Variants in CSMD1 observed in about 807,000 individuals in gnomAD.
CSMD1 encodes CUB and sushi domain-containing protein 1.
CSMD1 carries 213 observed loss-of-function variants against 417.5 expected under a neutral mutation model. The observed-to-expected ratio is 0.51, with a 90% CI of 0.46 to 0.57. The LOEUF (loss-of-function observed/expected upper bound fraction) is 0.57, where lower values mean the gene tolerates loss of function less well. Ranked by LOEUF, CSMD1 falls within the 20% of genes least tolerant of loss-of-function variation. The pLI, the probability that CSMD1 is intolerant of heterozygous loss-of-function variation, is 0.00. For synonymous variants in CSMD1, 2,862 were observed against 1,736.8 expected (o/e 1.65, Z -16.11); for missense variants, 6,923 against 4,529.7 (o/e 1.53, Z -15.17).
At chr8:4,864,166 G>A (rs957798264) in intron 1 of CSMD1, among the ~76,000 whole-genome samples, 8 of 151,568 alleles carry the variant, frequency 5.3e-5, no homozygotes, top group East Asian at 1.9e-4. Flanking sequence ...GGATTTTCCC[G>A]ACACCTCAAA....
intron 49 of CSMD1, among the ~76,000 whole-genome samples, chr8:3,053,237 G>C (rs1393578287): frequency 1.3e-5 from 2 of 152,190 alleles, no homozygotes. Flanking sequence ...ATGCAGCTTA[G>C]CCGCAGTCTG....
At chr8:4,382,364 C>A (rs149816383) in intron 3 of CSMD1, among the ~76,000 whole-genome samples, 135 of 152,292 alleles carry the variant, frequency 8.9e-4, no homozygotes, top group African/African-American at 3.1e-3. Context: ...CAATGACACA[C>A]ATTTCCCAGA....
At chr8:2,998,390 T>C (rs112969432) in intron 53 of CSMD1, among the ~76,000 whole-genome samples, 328 of 152,338 alleles carry the variant, frequency 2.2e-3, no homozygotes, top group African/African-American at 7.5e-3. Context: ...TTTAATATAA[T>C]TGTGGAAAAT....
intron 7 of CSMD1, among the ~76,000 whole-genome samples, chr8:3,680,118 T>G (rs563820823): frequency 6.6e-6 from 1 of 151,732 alleles, no homozygotes; most frequent in Non-Finnish European, 1.5e-5. Flanking sequence ...ACATCACAAT[T>G]GAAACAACTA....
intron 3 of CSMD1, among the ~76,000 whole-genome samples, chr8:4,271,132 T>C (rs1345944179): frequency 6.6e-6 from 1 of 152,194 alleles, no homozygotes; most frequent in Admixed American, 6.6e-5. Context: ...GCCTGGAGCT[T>C]ACTCTGAATT....
chr8:4,388,443 T>C (rs1353405773), intron 3 of CSMD1, among the ~76,000 whole-genome samples: 2 of 151,158 alleles, frequency 1.3e-5, no homozygotes, highest in Admixed American at 6.6e-5. Context: ...CTAAGTGAAG[T>C]AACTCAGGAA....
In CSMD1 at chr8:4,357,253, C is replaced by G. The variant is rs966706078; in HGVS notation, c.415+62700G>C. On this transcript the variant is annotated intron_variant, in intron 3 of 69. Coordinates refer to ENST00000635120, the MANE Select transcript of CSMD1 (RefSeq NM_033225.6). The stretch of plus-strand genomic sequence containing the variant: ...CTCTTACGTGCTAGAATTAGAGGTT[C>G]AGGGACTAAAAAGTAACCTTATAGA... 8.5e-5 allele frequency among the ~76,000 whole-genome samples: 13 copies of G among 152,266 alleles called. No homozygotes were observed. The South Asian group carries it at 2.7e-3, about 32-fold the overall frequency.
chr8:3,783,105 C>T (rs1799267928), intron 5 of CSMD1, among the ~76,000 whole-genome samples: 2 of 152,278 alleles, frequency 1.3e-5, no homozygotes, highest in South Asian at 4.1e-4. Flanking sequence ...CAGCCTCCAC[C>T]ATCCTCCCTT....
At chr8:3,866,023 C>G (rs1805076649) in intron 5 of CSMD1, among the ~76,000 whole-genome samples, 1 of 151,820 alleles carries the variant, frequency 6.6e-6, no homozygotes. Flanking sequence ...TAAATCGCCA[C>G]CAGAAAACAC....
intron 3 of CSMD1, among the ~76,000 whole-genome samples, chr8:4,388,880 C>G (rs577854334): frequency 1.1e-3 from 162 of 152,252 alleles, no homozygotes; most frequent in African/African-American, 3.8e-3. Flanking sequence ...GCTGAAACGT[C>G]TCCTCTTCAT....
chr8:4,825,539 T>C (rs186399293), intron 1 of CSMD1, among the ~76,000 whole-genome samples: 1 of 152,072 alleles, frequency 6.6e-6, no homozygotes, highest in African/African-American at 2.4e-5. Flanking sequence ...AATTCTACTC[T>C]CTGCTTATAT....
chr8:4,582,946 T>C lies in CSMD1; in HGVS notation c.302+54396A>G, dbSNP rs1799496539. ...AGCAGCTGGCCGGCCCTGCCGGCCC[T>C]GAGCAATGAGGGACATAGCACCCGG... On this transcript the variant is annotated intron_variant, in intron 2 of 69. Transcript: ENST00000635120. Among the ~76,000 whole-genome samples the C allele has an allele frequency of 2.0e-5, 3 of 152,170 alleles. No homozygotes were observed. In the South Asian group the frequency reaches 6.2e-4, roughly 32 times the overall value.
At chr8:4,056,267 G>C (rs1045095473) in intron 3 of CSMD1, among the ~76,000 whole-genome samples, 5 of 151,592 alleles carry the variant, frequency 3.3e-5, no homozygotes, top group African/African-American at 1.2e-4. Context: ...TTTTTTAGTA[G>C]AGATGGAGTT....
chr8:3,669,165 C>A (rs1322087785), intron 7 of CSMD1, among the ~76,000 whole-genome samples: 1 of 152,136 alleles, frequency 6.6e-6, no homozygotes, highest in Non-Finnish European at 1.5e-5. Flanking sequence ...AAAGCACGTA[C>A]AAATGAGCAT....
intron 2 of CSMD1, among the ~76,000 whole-genome samples, chr8:4,595,081 T>G (rs1473031238): frequency 6.6e-6 from 1 of 152,196 alleles, no homozygotes; most frequent in East Asian, 1.9e-4. Flanking sequence ...TGCCTTTTTT[T>G]ATAACTTTAA....
intron 12 of CSMD1, among the ~76,000 whole-genome samples, chr8:3,419,180 C>G (rs897255710): frequency 2.0e-5 from 3 of 152,170 alleles, no homozygotes; most frequent in Non-Finnish European, 4.4e-5. Flanking sequence ...AACTTTTTGC[C>G]TTATCAAGTA....
At chr8:4,028,747 T>G (rs1001206450) in intron 4 of CSMD1, among the ~76,000 whole-genome samples, 1 of 152,192 alleles carries the variant, frequency 6.6e-6, no homozygotes, top group Non-Finnish European at 1.5e-5. Context: ...ATTACATTAG[T>G]GCTTGTTGTG....
intron 1 of CSMD1, among the ~76,000 whole-genome samples, chr8:4,871,846 G>T (rs1480812433): frequency 1.3e-5 from 2 of 152,034 alleles, no homozygotes; most frequent in East Asian, 3.9e-4. Flanking sequence ...TTCTGTGCTT[G>T]CCAGCAGGTC....
chr8:3,103,496 G>A (rs1815903943), intron 46 of CSMD1, among the ~76,000 whole-genome samples: 1 of 151,972 alleles, frequency 6.6e-6, no homozygotes, highest in African/African-American at 2.4e-5. Context: ...TCTCACATCT[G>A]AACTCATCTC....
Sources: allele counts gnomAD v4.1 joint callset (sites outside exome capture counted in the v4.1 genomes callset), GRCh38; gene constraint gnomAD v4.1.1; transcripts MANE v1.5; gene names NCBI Gene and HGNC (gene_info 2026-07-23, HGNC 2026-07-21).